The following RAB11FIP4 variants were observed in gnomAD, a reference collection of about 807,000 sequenced individuals.
RAB11FIP4 encodes rab11 family-interacting protein 4.
RAB11FIP4 carries 23 observed loss-of-function variants against 74.3 expected under a neutral mutation model. That is an observed-to-expected ratio of 0.31 (90% confidence interval 0.22 to 0.44). RAB11FIP4 has a LOEUF of 0.44. RAB11FIP4 is among the 20% of genes least tolerant of loss of function. The pLI is 1.00. For missense variants in RAB11FIP4, 630 were observed against 863.9 expected, an observed-to-expected ratio of 0.73 and a Z score of 3.39; for synonymous variants, 360 against 359.9, an observed-to-expected ratio of 1.00 and a Z score of 0.00.
chr17:31,400,855 C>T (rs11867279), intron 1 of RAB11FIP4, among the ~76,000 whole-genome samples: 18,003 of 152,188 alleles, frequency 0.12, 2,868 homozygotes, highest in African/African-American at 0.37. Flanking sequence ...CAGCCCCCAC[C>T]GCCTGGCACA....
At chr17:31,415,015 A>G (rs1175196556) in intron 1 of RAB11FIP4, among the ~76,000 whole-genome samples, 1 of 152,178 alleles carries the variant, frequency 6.6e-6, no homozygotes, top group Non-Finnish European at 1.5e-5. Context: ...TCCCTTCTCC[A>G]GCAGGGGAAG....
chr17:31,441,103 C>T (rs888984264), intron 3 of RAB11FIP4, among the ~76,000 whole-genome samples: 2 of 152,100 alleles, frequency 1.3e-5, no homozygotes, highest in African/African-American at 4.8e-5. Flanking sequence ...CTGCTCACTG[C>T]AACCTCTGCC....
At chr17:31,459,482 T>TTTA (rs3058664) in intron 3 of RAB11FIP4, among the ~76,000 whole-genome samples, 28,992 of 151,046 alleles carry the variant, frequency 0.19, 3,134 homozygotes, top group South Asian at 0.32. Context: ...CGGTGAGCGT[T>TTTA]TTATTATTAT....
intron 3 of RAB11FIP4, among the ~76,000 whole-genome samples, chr17:31,490,865 T>G (rs1417936458): frequency 6.6e-6 from 1 of 152,228 alleles, no homozygotes; most frequent in African/African-American, 2.4e-5. Context: ...CTGAAGCATC[T>G]TTATCTGTTC....
intron 3 of RAB11FIP4, among the ~76,000 whole-genome samples, chr17:31,445,560 ATATATATATATATATATATTTTTTTTTT>A (rs1481147715): frequency 9.0e-4 from 13 of 14,470 alleles, no homozygotes; most frequent in African/African-American, 1.7e-3. Context: ...ATATATATAT[ATATATATATATATATATATTTTTTTTTT>A]TTTTTTTTTT....
At chr17:31,482,302 A>G (rs1437161044) in intron 3 of RAB11FIP4, among the ~76,000 whole-genome samples, 2 of 152,148 alleles carry the variant, frequency 1.3e-5, no homozygotes, top group African/African-American at 2.4e-5. Context: ...TTCTAAATAA[A>G]AAATTGGGGG....
intron 3 of RAB11FIP4, among the ~76,000 whole-genome samples, chr17:31,458,743 A>G (rs920692764): frequency 6.6e-6 from 1 of 152,218 alleles, no homozygotes; most frequent in African/African-American, 2.4e-5. Context: ...TTCATGCACC[A>G]GCATCTTTGT....
chr17:31,531,630 G>A lies in RAB11FIP4; in HGVS notation c.1812G>A (p.Leu604=), dbSNP rs1194312219. 4.3e-6 allele frequency: 7 copies of A among 1,613,562 alleles called. No homozygotes were observed. Among genetic ancestry groups the A allele is most frequent in the Non-Finnish European group, 5.9e-6 (7 of 1,179,494 alleles). ...ATTTCCTTCAGCTAATGGAAGCCCTGAAGGAGCAGGAGGAGATCAACTTCC... is the reference window on the plus strand; with the variant it reads ...ATTTCCTTCAGCTAATGGAAGCCCTAAAGGAGCAGGAGGAGATCAACTTCC... ...TASRDELMEA[L]KEQEEINFRL... The change falls in exon 15 of 15, where the codon CTG becomes CTA. Residue 604 remains leucine (L), a synonymous_variant. Transcript: ENST00000621161.
intron 3 of RAB11FIP4, among the ~76,000 whole-genome samples, chr17:31,459,326 C>T (rs1012251694): frequency 2.0e-5 from 3 of 152,058 alleles, no homozygotes; most frequent in Non-Finnish European, 4.4e-5. Flanking sequence ...TCTGAGTAAC[C>T]CCACACTGGT....
At chr17:31,455,590 G>A (rs1375624590) in intron 3 of RAB11FIP4, among the ~76,000 whole-genome samples, 1 of 152,046 alleles carries the variant, frequency 6.6e-6, no homozygotes, top group Non-Finnish European at 1.5e-5. Context: ...GTACACATGG[G>A]TACCTCACTG....
intron 1 of RAB11FIP4, among the ~76,000 whole-genome samples, chr17:31,425,044 A>G (rs2071234647): frequency 6.6e-6 from 1 of 152,238 alleles, no homozygotes; most frequent in Non-Finnish European, 1.5e-5. Context: ...AGCAGAAATA[A>G]TAATTACTGG....
Position 31,391,996 on chromosome 17 carries a change from C to T in RAB11FIP4, c.144C>T (p.Phe48=), listed in dbSNP as rs1184110742. The part of the protein sequence containing the change: ...VERVAALGLR[F]GQGEEVEKLV... ...GCGTCGCGGCGCTCGGACTGCGCTT[C>T]GGCCAGGGCGAGGAGGTAAGCTGGC... Residue 48 remains phenylalanine (F), a synonymous_variant, in exon 1 of 15, where the codon TTC becomes TTT. Transcript: ENST00000621161. The T allele has an allele frequency of 7.5e-7, 1 of 1,336,318 alleles. No individual in the cohort carries two copies. Among genetic ancestry groups the T allele is most frequent in the Non-Finnish European group, 9.6e-7 (1 of 1,043,270 alleles). 82.8% of individuals were successfully genotyped at this position (1,336,318 alleles called of 1,614,324 possible). A position where few individuals can be genotyped will look rare whatever the true frequency, so the allele number is the denominator to read the frequency against.
rs1367738798 is a variant in RAB11FIP4 at position 31,533,454 on chromosome 17, G to A, written c.*1722G>A. ...GCGGGTCTCCTTGGGCTCCCCCAAG[G>A]GTTCTGCGAAGAGGCAGTGGAAGAA... On this transcript the variant is annotated 3_prime_UTR_variant, in exon 15 of 15. Transcript: ENST00000621161. 4 of 152,236 alleles carry A rather than the reference G, an allele frequency of 2.6e-5. No individual in the cohort carries two copies. The highest frequency in any genetic ancestry group is 2.9e-5 in the Non-Finnish European group (2 of 68,068). The allele number at this position is 152,236 out of a possible 1,614,324, so 9.4% of individuals were successfully genotyped here. A position where few individuals can be genotyped will look rare whatever the true frequency, so the allele number is the denominator to read the frequency against.
At chr17:31,418,930 C>T (rs929255679) in intron 1 of RAB11FIP4, among the ~76,000 whole-genome samples, 3 of 152,196 alleles carry the variant, frequency 2.0e-5, no homozygotes, top group African/African-American at 4.8e-5. Context: ...AAATTCTCTC[C>T]GGCTGCTCCT....
At chr17:31,478,103 C>T (rs572254260) in intron 3 of RAB11FIP4, among the ~76,000 whole-genome samples, 116 of 152,032 alleles carry the variant, frequency 7.6e-4, no homozygotes, top group African/African-American at 2.6e-3. Flanking sequence ...AGCGATTCCC[C>T]TGCCTCAGCT....
rs535166423 is a variant in RAB11FIP4, at chr17:31,489,836, G to C, written c.337-27815G>C. Reference sequence around the variant, plus strand: ...TGGAGAACAGCTTCGGAATTTGAAGGGGGGGCCTGGACTTAGGCGAAGGGG... The same window carrying C: ...TGGAGAACAGCTTCGGAATTTGAAGCGGGGGCCTGGACTTAGGCGAAGGGG... On this transcript the variant is annotated intron_variant, in intron 3 of 14. Transcript: ENST00000621161. Among the ~76,000 whole-genome samples, 4 of 152,214 alleles carry C rather than the reference G, an allele frequency of 2.6e-5. No homozygotes were observed. The South Asian group carries it at 6.2e-4, about 24-fold the overall frequency.
At chr17:31,427,909 T>A (rs1451265455) in intron 1 of RAB11FIP4, among the ~76,000 whole-genome samples, 1 of 152,106 alleles carries the variant, frequency 6.6e-6, no homozygotes, top group South Asian at 2.1e-4. Context: ...CTGGCATGGC[T>A]GGGGGGAGGG....
chr17:31,528,321 G>A, intron 11 of RAB11FIP4, 85 bp from the exon 12 acceptor site: 1 of 1,484,602 alleles, frequency 6.7e-7, no homozygotes, highest in Non-Finnish European at 9.0e-7. Flanking sequence ...CGTGAAGATG[G>A]CTGACCAGAC....
At chr17:31,459,933 TAC>T (rs137916024) in intron 3 of RAB11FIP4, among the ~76,000 whole-genome samples, 3,195 of 152,214 alleles carry the variant, frequency 0.021, 57 homozygotes, top group Non-Finnish European at 0.033. Flanking sequence ...AGGACAGAAG[TAC>T]ACAGAGTGCT....
Sources: gnomAD v4.1 joint callset for allele counts (sites outside exome capture counted in the v4.1 genomes callset) on GRCh38, gnomAD v4.1.1 for gene constraint, MANE v1.5 for transcripts, NCBI Gene and HGNC (gene_info 2026-07-23, HGNC 2026-07-21) for gene names.